Variants in TOE1 observed in about 807,000 individuals in gnomAD.
TOE1 encodes the protein target of EGR1, exonuclease.
In TOE1, 50 loss-of-function variants were observed where a neutral mutation model predicts 49.2. The observed-to-expected ratio is 1.02, with a 90% confidence interval of 0.81 to 1.29. The LOEUF is 1.29. Among genes scored for constraint, TOE1 ranks in the 50% most tolerant of loss-of-function variants. TOE1 has a pLI of 0.00. For missense variants in TOE1, 544 were observed against 654.4 expected (o/e 0.83, Z 1.84); for synonymous variants, 221 against 247.0 (o/e 0.89, Z 0.99).
chr1:45,340,224 G>C lies in TOE1; in HGVS notation c.-29G>C, dbSNP rs878854188. On this transcript the variant is annotated 5_prime_UTR_variant, in exon 1 of 8. Transcript: ENST00000372090. ...GGACCGCAAGTCCAGCGTACCCACA[G>C]ACGACTCAGGCGGGAGACGAGCGGT... is the stretch of plus-strand genomic sequence containing the variant. 1.2e-6 allele frequency: 2 copies of C among 1,613,872 alleles called. No homozygotes were observed. The highest frequency in any genetic ancestry group is 1.7e-6 in the Non-Finnish European group (2 of 1,180,034).
Position 45,342,556 on chromosome 1 carries a change from TC to T in TOE1, c.668del (p.Pro223GlnfsTer22), listed in dbSNP as rs767479473. 3.1e-6 allele frequency: 5 copies of T among 1,614,164 alleles called. No homozygotes were observed. The Admixed American group carries it at 8.3e-5, about 27-fold the overall frequency. On this transcript the variant is annotated frameshift_variant, in exon 6 of 8. Coordinates refer to ENST00000372090, the MANE Select transcript of TOE1 (RefSeq NM_025077.4). LOFTEE classifies it high-confidence loss of function. The stretch of plus-strand genomic sequence containing the variant: ...TTCACCGCTGACCTGTGTGAGATGT[TC>T]CCAGCAGGCATTTATGACACCAAAT... ...GTFTADLCEM[F>X]PAGIYDTKYA...
At position 45,343,232 on chromosome 1, in the gene TOE1, A is replaced by T. The variant is rs747294274; in HGVS notation, c.1063A>T (p.Thr355Ser). 49 of 1,613,918 alleles carry T rather than the reference A, an allele frequency of 3.0e-5. No individual in the cohort carries two copies. The East Asian group carries it at 8.7e-4, about 29-fold the overall frequency. Residue 355 changes from threonine to serine, a missense_variant, in exon 8 of 8, where the codon ACA becomes TCA. Thr to Ser is a moderately conservative substitution (Grantham distance 58). Transcript: ENST00000372090. The surrounding 1 kb of genome is among the most constrained non-coding windows in gnomAD (Gnocchi z 4.3). ...GAGGGCTTTATTGAACCTACCGGGG[A>T]CACAGACCTCTGGGGAAGCTAAGGA... is the stretch of plus-strand genomic sequence containing the variant. ...RKRALLNLPG[T>S]QTSGEAKDGP...
chr1:45,343,626 C>A lies in TOE1; in HGVS notation c.1457C>A (p.Thr486Lys). ...VYLSGKAVPL[T>K]VAKSQFSRSS... ...TTGAGTGGCAAAGCTGTACCCCTCA[C>A]AGTGGCCAAGAGCCAGTTCTCTCGT... The change falls in exon 8 of 8, where the codon ACA becomes AAA. Residue 486 changes from threonine (T) to lysine (K), a missense_variant. Coordinates refer to ENST00000372090, the MANE Select transcript of TOE1 (RefSeq NM_025077.4). The surrounding 1 kb of genome is among the most constrained non-coding windows in gnomAD (Gnocchi z 4.3). 2 of 1,614,134 alleles carry A rather than the reference C, an allele frequency of 1.2e-6. No homozygotes were observed. Among genetic ancestry groups the A allele is most frequent in the Non-Finnish European group, 1.7e-6 (2 of 1,180,014 alleles).
In TOE1 at chr1:45,343,173, A is replaced by AGCGGCG. The variant is rs1329522791; in HGVS notation, c.1005_1010dup (p.Arg341_Arg342dup). ...ACTGATGAGGCTGCGGCAGAGGACA[A>AGCGGCG]GCGGCGACGGCGACGACGTAGGGAA... On this transcript the variant is annotated inframe_insertion, in exon 8 of 8. Transcript: ENST00000372090. This position sits in a 1 kb window ranked among gnomAD's most constrained non-coding sequence, Gnocchi z 4.3. 1.2e-6 allele frequency: 2 copies of AGCGGCG among 1,613,826 alleles called. No individual in the cohort carries two copies. Among genetic ancestry groups the AGCGGCG allele is most frequent in the Non-Finnish European group, 1.7e-6 (2 of 1,179,994 alleles).
rs146588183 is a variant in TOE1 at position 45,341,113 on chromosome 1, A to G, written c.93A>G (p.Val31=). The change falls in exon 2 of 8, where the codon GTA becomes GTG. Residue 31 remains valine, a synonymous_variant. Transcript: ENST00000372090. ...SKSTTSGEEL[V]VQVPVVDVQS... is the part of the protein sequence containing the mutation. ...GCACAACATCTGGGGAGGAGCTAGT[A>G]GTCCAGGTTCCCGTAGTGGATGTGC... 4 of 1,614,218 alleles carry G rather than the reference A, an allele frequency of 2.5e-6. No homozygotes were observed. The highest frequency in any genetic ancestry group is 3.4e-6 in the Non-Finnish European group (4 of 1,180,034).
intron 6 of TOE1, 43 bp from the exon 7 acceptor site, chr1:45,342,799 GA>G (rs1312159838): frequency 6.2e-7 from 1 of 1,612,746 alleles, no homozygotes; most frequent in Admixed American, 1.7e-5. Flanking sequence ...TGCTCTTATG[GA>G]GCTTATATGC....
chr1:45,341,179 A>G lies in TOE1; in HGVS notation c.159A>G (p.Leu53=). 1 of 1,614,218 alleles carries G rather than the reference A, an allele frequency of 6.2e-7. No individual in the cohort carries two copies. The highest frequency in any genetic ancestry group is 8.5e-7 in the Non-Finnish European group (1 of 1,180,044). ...AGGAGATGTGGCCATCCCTCCTGCT[A>G]GCCATAAAGACAGCTAATTTCGTGG... The part of the protein sequence containing the change: ...NFKEMWPSLL[L]AIKTANFVAV... Residue 53 remains leucine, a synonymous_variant, in exon 2 of 8, where the codon CTA becomes CTG. Transcript: ENST00000372090.
rs1266924558 is a variant in TOE1, at chr1:45,341,151, T to C, written c.131T>C (p.Phe44Ser). ...VPVVDVQSNN[F>S]KEMWPSLLLA... ...GTAGTGGATGTGCAAAGCAACAACT[T>C]CAAGGAGATGTGGCCATCCCTCCTG... The change falls in exon 2 of 8, where the codon TTC becomes TCC. Residue 44 changes from phenylalanine to serine, a missense_variant. Transcript: ENST00000372090. 6.2e-7 allele frequency: 1 copy of C among 1,614,132 alleles called. No homozygotes were observed. The highest frequency in any genetic ancestry group is 8.5e-7 in the Non-Finnish European group (1 of 1,180,036).
In TOE1 at chr1:45,343,284, G is replaced by A. The variant is rs916204679; in HGVS notation, c.1115G>A (p.Gly372Glu). 2 of 1,613,960 alleles carry A rather than the reference G, an allele frequency of 1.2e-6. No individual in the cohort carries two copies. Among genetic ancestry groups the A allele is most frequent in the African/African-American group, 2.7e-5 (2 of 74,880 alleles). The change falls in exon 8 of 8, where the codon GGG (glycine) becomes GAG (glutamate). Residue 372 changes from glycine to glutamate, a missense_variant. Gly to Glu is a moderately conservative substitution (Grantham distance 98). Coordinates refer to ENST00000372090, the MANE Select transcript of TOE1 (RefSeq NM_025077.4). The surrounding 1 kb of genome is among the most constrained non-coding windows in gnomAD (Gnocchi z 4.3). ...KDGPPKKQVC[G>E]DSIKPEETEQ... ...GGTCCTCCCAAGAAGCAGGTCTGTG[G>A]GGATAGCATCAAGCCTGAAGAAACC...
chr1:45,341,533 C>T lies in TOE1; in HGVS notation c.297C>T (p.Ser99=). ...CHAARTRSIL[S]LGLACFKRQP... Reference sequence around the variant, plus strand: ...CTGCCAGGACCCGTTCTATCCTTTCCCTGGGCCTCGCCTGCTTCAAGCGGC... The same window carrying T: ...CTGCCAGGACCCGTTCTATCCTTTCTCTGGGCCTCGCCTGCTTCAAGCGGC... The change falls in exon 4 of 8, where the codon TCC becomes TCT. Residue 99 remains serine (S), a synonymous_variant. Transcript: ENST00000372090. 1 of 1,614,046 alleles carries T rather than the reference C, an allele frequency of 6.2e-7. No homozygotes were observed. The highest frequency in any genetic ancestry group is 8.5e-7 in the Non-Finnish European group (1 of 1,180,008).
chr1:45,340,567 G>C (rs1646874996), intron 1 of TOE1: 1 of 1,364,290 alleles, frequency 7.3e-7, no homozygotes, highest in Admixed American at 3.1e-5. Context: ...TTGTGATTCA[G>C]TTCAGTGGAG....
At position 45,342,435 on chromosome 1, in the gene TOE1, C is replaced by A. The variant is rs752569685; in HGVS notation, c.544C>A (p.Arg182=). ...ACGGACCCTATTCCTGGAGCTAATC[C>A]GAGCCCGCCGGCCCCTGGTGCTACA... ...SVRTLFLELI[R]ARRPLVLHNG... Residue 182 remains arginine, a synonymous_variant, in exon 6 of 8, where the codon CGA becomes AGA. Transcript: ENST00000372090. 1.2e-6 allele frequency: 2 copies of A among 1,613,970 alleles called. No homozygotes were observed. Among genetic ancestry groups the A allele is most frequent in the South Asian group, 2.2e-5 (2 of 91,084 alleles).
rs774216136 is a variant in TOE1, at chr1:45,342,424, T to G, written c.533T>G (p.Leu178Arg). 7.3e-5 allele frequency: 118 copies of G among 1,614,020 alleles called. No homozygotes were observed. In the East Asian group the frequency reaches 2.6e-3, roughly 35 times the overall value. Residue 178 changes from leucine to arginine, a missense_variant, in exon 6 of 8, where the codon CTG becomes CGG. Coordinates refer to ENST00000372090, the MANE Select transcript of TOE1 (RefSeq NM_025077.4). ...AGCCAGTCAGTACGGACCCTATTCCTGGAGCTAATCCGAGCCCGCCGGCCC... is the reference window on the plus strand; with the variant it reads ...AGCCAGTCAGTACGGACCCTATTCCGGGAGCTAATCCGAGCCCGCCGGCCC... ...SQSQSVRTLF[L>R]ELIRARRPLV...
rs773966962 is a variant in TOE1 at position 45,341,444 on chromosome 1, C to T, written c.237-29C>T. The T allele has an allele frequency of 1.9e-6, 3 of 1,613,960 alleles. No individual in the cohort carries two copies. The Admixed American group carries it at 5.0e-5, about 27-fold the overall frequency. ...GGTCCTTCATAAGGCTAACTCCTAG[C>T]CACAGCAACCCCCATACCCAACCCC... On this transcript the variant is annotated intron_variant, in intron 3 of 7. Coordinates refer to ENST00000372090, the MANE Select transcript of TOE1 (RefSeq NM_025077.4).
chr1:45,342,207 G>A (rs1396480385), intron 5 of TOE1, 100 bp downstream of exon 5: 1 of 1,522,848 alleles, frequency 6.6e-7, no homozygotes. Context: ...TTCTTAGGGA[G>A]TATGGGGAAT....
Position 45,340,381 on chromosome 1 carries a change from G to A in TOE1, c.52+77G>A, listed in dbSNP as rs3219466. ...GGAAGGCCTCGGGCTCATAGTTCTAGAGGCTCCTCAAGCTTCAGAGGACTG... is the reference window on the plus strand; with the variant it reads ...GGAAGGCCTCGGGCTCATAGTTCTAAAGGCTCCTCAAGCTTCAGAGGACTG... On this transcript the variant is annotated intron_variant, in intron 1 of 7. Coordinates refer to ENST00000372090, the MANE Select transcript of TOE1 (RefSeq NM_025077.4). 47,651 of 1,553,774 alleles carry A rather than the reference G, an allele frequency of 0.031. 862 individuals carry two copies. The highest frequency in any genetic ancestry group is 0.036 in the Non-Finnish European group (40,856 of 1,150,208).
intron 6 of TOE1, 56 bp downstream of exon 6, chr1:45,342,699 C>T: frequency 2.5e-6 from 4 of 1,603,578 alleles, no homozygotes; most frequent in Non-Finnish European, 3.4e-6. Context: ...ATTTCATTCA[C>T]TTAAGATATT....
Position 45,343,761 on chromosome 1 carries a change from A to G in TOE1, c.*59A>G. 1.3e-6 allele frequency: 2 copies of G among 1,545,398 alleles called. No individual in the cohort carries two copies. The highest frequency in any genetic ancestry group is 1.8e-6 in the Non-Finnish European group (2 of 1,141,854). ...GGTATTTTGGGTCTCTCTAGCCTGA[A>G]ATGTCATCCTCAACTGCTACTGAGT... On this transcript the variant is annotated 3_prime_UTR_variant, in exon 8 of 8. Transcript: ENST00000372090. This position sits in a 1 kb window ranked among gnomAD's most constrained non-coding sequence, Gnocchi z 4.3.
chr1:45,342,764 G>T, intron 6 of TOE1, 79 bp from the exon 7 acceptor site: 2 of 1,604,444 alleles, frequency 1.2e-6, no homozygotes, highest in Non-Finnish European at 1.7e-6. Context: ...GGATTCAGCA[G>T]TGAACAAAAC....
Sources: gnomAD v4.1 joint callset for allele counts on GRCh38, gnomAD v4.1.1 for gene constraint, Gnocchi (gnomAD v3.1) non-coding constraint, MANE v1.5 for transcripts, NCBI Gene and HGNC (gene_info 2026-07-23, HGNC 2026-07-21) for gene names.